RUNDC1: variants seen among roughly 807,000 people sequenced by gnomAD.
The protein encoded by RUNDC1 is RUN domain containing 1.
A neutral mutation model predicts 49.3 loss-of-function variants in RUNDC1; 31 were observed. The observed-to-expected ratio is 0.63, with a 90% CI of 0.47 to 0.85. The LOEUF is 0.85. Among genes scored for constraint, RUNDC1 ranks in the 40% least tolerant of loss-of-function variants. The probability of loss-of-function intolerance (pLI) is 0.00; values close to 1 mark genes in which losing one functional copy is unlikely to be tolerated. For missense variants in RUNDC1, 715 were observed against 806.7 expected (o/e 0.89, Z 1.38); for synonymous variants, 347 against 348.6 (o/e 1.00, Z 0.05).
At chr17:42,987,035 A>G (rs1009295727) in intron 1 of RUNDC1, among the ~76,000 whole-genome samples, 1 of 152,198 alleles carries the variant, frequency 6.6e-6, no homozygotes, top group Non-Finnish European at 1.5e-5. Context: ...CCTATTTCCA[A>G]TGAGGGACAG....
chr17:42,986,839 C>G (rs766568534), intron 1 of RUNDC1, among the ~76,000 whole-genome samples: 1 of 152,084 alleles, frequency 6.6e-6, no homozygotes, highest in Non-Finnish European at 1.5e-5. Flanking sequence ...ACACCCTTAC[C>G]CCAGATTCTT....
At chr17:42,988,666 G>A (rs1343305468) in intron 2 of RUNDC1, among the ~76,000 whole-genome samples, 1 of 152,112 alleles carries the variant, frequency 6.6e-6, no homozygotes, top group Non-Finnish European at 1.5e-5. Flanking sequence ...GGCAAGAAGG[G>A]ATAAGAAGGA....
chr17:42,989,178 A>G (rs764485974), intron 2 of RUNDC1, among the ~76,000 whole-genome samples, 163 bp from the exon 3 acceptor site: 52 of 152,324 alleles, frequency 3.4e-4, no homozygotes, highest in African/African-American at 1.1e-3. Context: ...TAGAGAGTCT[A>G]TGTCCTCACC....
At chr17:42,986,118 G>GC (rs1167811585) in intron 1 of RUNDC1, among the ~76,000 whole-genome samples, 1 of 151,868 alleles carries the variant, frequency 6.6e-6, no homozygotes, top group Non-Finnish European at 1.5e-5. Context: ...TCTTGTCCCA[G>GC]CCTCTTGTGT....
rs754286789 is a variant in RUNDC1, at chr17:42,981,025, A to C, written c.449A>C (p.Glu150Ala). The C allele has an allele frequency of 5.8e-6, 9 of 1,555,576 alleles. No homozygotes were observed. Among genetic ancestry groups the C allele is most frequent in the Non-Finnish European group, 7.8e-6 (9 of 1,157,752 alleles). The part of the protein sequence containing the change: ...YEGPGDPASD[E>A]GDGLPGDRPW... ...GGGCCCGGCGACCCCGCCAGCGATG[A>C]GGGCGATGGGCTGCCAGGGGACCGG... is the stretch of plus-strand genomic sequence containing the variant. The change falls in exon 1 of 5, where the codon GAG becomes GCG. Residue 150 changes from glutamate to alanine, a missense_variant. Physicochemically the swap from Glu to Ala is moderately radical, Grantham distance 107. Around this residue, in one of 5 missense-constraint regions of RUNDC1, gnomAD observed 113 missense variants for 93.4 expected, o/e 1.21. Coordinates refer to ENST00000361677, the MANE Select transcript of RUNDC1 (RefSeq NM_173079.5).
In RUNDC1 at chr17:42,991,311, C is replaced by T; in HGVS notation, c.1437C>T (p.Tyr479=). Residue 479 remains tyrosine (Y), a synonymous_variant, in exon 5 of 5, where the codon TAC becomes TAT. Coordinates refer to ENST00000361677, the MANE Select transcript of RUNDC1 (RefSeq NM_173079.5). ...AMHPWELFVK[Y]YHAKNGRAYV... ...ACCCGTGGGAGCTCTTTGTAAAGTA[C>T]TACCATGCTAAGAACGGCCGTGCTT... is the stretch of plus-strand genomic sequence containing the variant. 1 of 1,614,214 alleles carries T rather than the reference C, an allele frequency of 6.2e-7. No individual in the cohort carries two copies. The highest frequency in any genetic ancestry group is 1.1e-5 in the South Asian group (1 of 91,086).
At position 42,992,241 on chromosome 17, in the gene RUNDC1, A is replaced by G. The variant is rs1474276276; in HGVS notation, c.*525A>G. 6.3e-6 allele frequency: 1 copy of G among 157,768 alleles called. No individual in the cohort carries two copies. The highest frequency in any genetic ancestry group is 1.4e-5 in the Non-Finnish European group (1 of 72,066). 9.8% of individuals were successfully genotyped at this position (157,768 alleles called of 1,614,324 possible). A position where few individuals can be genotyped will look rare whatever the true frequency, so the allele number is the denominator to read the frequency against. ...AAAAAAAAAAGAAGGTTGTACCCAC[A>G]GTATACGTGTGGGCACTTGTGCTTG... On this transcript the variant is annotated 3_prime_UTR_variant, in exon 5 of 5. Coordinates refer to ENST00000361677, the MANE Select transcript of RUNDC1 (RefSeq NM_173079.5).
intron 1 of RUNDC1, among the ~76,000 whole-genome samples, chr17:42,985,217 C>A (rs752281176): frequency 1.3e-5 from 2 of 152,184 alleles, no homozygotes; most frequent in African/African-American, 4.8e-5. Flanking sequence ...CAGTAACATA[C>A]AACAAATGCA....
In RUNDC1 at chr17:42,980,946, C is replaced by A. The variant is rs1395954253; in HGVS notation, c.370C>A (p.Arg124=). The part of the protein sequence containing the change: ...GAPAEQQRLL[R]ELEDFAFRGC... ...GCCGGCGGAGCAGCAGCGCCTTCTG[C>A]GGGAGCTCGAAGACTTCGCCTTCCG... The change falls in exon 1 of 5, where the codon CGG becomes AGG. Residue 124 remains arginine (R), a synonymous_variant. Transcript: ENST00000361677. 6.5e-7 allele frequency: 1 copy of A among 1,540,350 alleles called. No individual in the cohort carries two copies. Among genetic ancestry groups the A allele is most frequent in the Non-Finnish European group, 8.7e-7 (1 of 1,149,680 alleles).
Position 42,981,181 on chromosome 17 carries a change from G to T in RUNDC1, c.498+107G>T. 2.2e-6 allele frequency: 3 copies of T among 1,357,552 alleles called. No homozygotes were observed. The South Asian group carries it at 4.3e-5, about 20-fold the overall frequency. 84.1% of individuals were successfully genotyped at this position (1,357,552 alleles called of 1,614,324 possible). ...ATGCGGGGAGAAGCCTCCCCGACTCGGTCGGTGAGTACGTGTGTCGGAGAC... is the reference window on the plus strand; with the variant it reads ...ATGCGGGGAGAAGCCTCCCCGACTCTGTCGGTGAGTACGTGTGTCGGAGAC... On this transcript the variant is annotated intron_variant, in intron 1 of 4. Transcript: ENST00000361677.
Position 42,980,994 on chromosome 17 carries a change from T to C in RUNDC1, c.418T>C (p.Tyr140His). 6.5e-7 allele frequency: 1 copy of C among 1,546,276 alleles called. No individual in the cohort carries two copies. The highest frequency in any genetic ancestry group is 8.7e-7 in the Non-Finnish European group (1 of 1,152,258). The change falls in exon 1 of 5, where the codon TAC (tyrosine) becomes CAC (histidine). Residue 140 changes from tyrosine to histidine, a missense_variant. Around this residue, in one of 5 missense-constraint regions of RUNDC1, gnomAD observed 113 missense variants for 93.4 expected, o/e 1.21. Coordinates refer to ENST00000361677, the MANE Select transcript of RUNDC1 (RefSeq NM_173079.5). ...AFRGCPHVLG[Y>H]EGPGDPASDE... ...CCGCGGCTGCCCTCACGTCCTAGGT[T>C]ACGAAGGGCCCGGCGACCCCGCCAG...
chr17:42,994,826 G>C lies in RUNDC1; in HGVS notation c.*3110G>C, dbSNP rs1244456480. Among the ~76,000 whole-genome samples the C allele has an allele frequency of 2.0e-5, 3 of 152,182 alleles. No homozygotes were observed. In the South Asian group the frequency reaches 6.2e-4, roughly 32 times the overall value. On this transcript the variant is annotated 3_prime_UTR_variant, in exon 5 of 5. Coordinates refer to ENST00000361677, the MANE Select transcript of RUNDC1 (RefSeq NM_173079.5). ...TTCACTTAGGGTGAGACAGGACAAG[G>C]GAGGAGAGGCAGGCCAGTCCACCCA...
In RUNDC1 at chr17:42,980,699, C is replaced by G. The variant is rs111480415; in HGVS notation, c.123C>G (p.Ala41=). The G allele has an allele frequency of 3.8e-6, 6 of 1,563,796 alleles. No individual in the cohort carries two copies. The highest frequency in any genetic ancestry group is 5.2e-6 in the Non-Finnish European group (6 of 1,158,210). Residue 41 remains alanine (A), a synonymous_variant, in exon 1 of 5, where the codon GCC becomes GCG. Transcript: ENST00000361677. ...PLPPCEAVRW[A]PVGAVAEARP... Reference sequence around the variant, plus strand: ...CACCGTGCGAGGCGGTGCGCTGGGCCCCAGTGGGGGCGGTGGCGGAGGCCC... The same window carrying G: ...CACCGTGCGAGGCGGTGCGCTGGGCGCCAGTGGGGGCGGTGGCGGAGGCCC...
At chr17:42,984,280 G>GTTT (rs1227344186) in intron 1 of RUNDC1, among the ~76,000 whole-genome samples, 12 of 134,604 alleles carry the variant, frequency 8.9e-5, no homozygotes, top group Admixed American at 2.2e-4. Flanking sequence ...CTGGCCCCCA[G>GTTT]TTTTTTTTTT....
At chr17:42,987,486 C>G in intron 2 of RUNDC1, 72 bp downstream of exon 2, 2 of 1,429,306 alleles carry the variant, frequency 1.4e-6, no homozygotes, top group Non-Finnish European at 2.0e-6. Context: ...CACAGGGCAT[C>G]CTCTCTCAGC....
rs1191198382 is a variant in RUNDC1 at position 42,994,093 on chromosome 17, G to A, written c.*2377G>A. ...GGCTAGTCTCGAACTCCTGACCTCAGGTGATCCACCCACTTCAGCCTCCCA... is the reference window on the plus strand; with the variant it reads ...GGCTAGTCTCGAACTCCTGACCTCAAGTGATCCACCCACTTCAGCCTCCCA... On this transcript the variant is annotated 3_prime_UTR_variant, in exon 5 of 5. Transcript: ENST00000361677. 6.6e-6 allele frequency among the ~76,000 whole-genome samples: 1 copy of A among 152,162 alleles called. No individual in the cohort carries two copies. Among genetic ancestry groups the A allele is most frequent in the African/African-American group, 2.4e-5 (1 of 41,440 alleles).
In RUNDC1 at chr17:42,991,458, C is replaced by A. The variant is rs764559984; in HGVS notation, c.1584C>A (p.Asp528Glu). 3.5e-5 allele frequency: 57 copies of A among 1,614,078 alleles called. No homozygotes were observed. Among genetic ancestry groups the A allele is most frequent in the Non-Finnish European group, 4.6e-5 (54 of 1,180,040 alleles). ...TCCACATGGTGCTGACAGAGCATGA[C>A]CCTTTTAAGCGCAGTGCAGACTCAG... ...TAIHMVLTEH[D>E]PFKRSADSEL... is the part of the protein sequence containing the mutation. Residue 528 changes from aspartate to glutamate, a missense_variant, in exon 5 of 5, where the codon GAC becomes GAA. By Grantham distance (45) the Asp-to-Glu change is conservative (BLOSUM62 2). Around this residue, in one of 5 missense-constraint regions of RUNDC1, gnomAD observed 425 missense variants for 499.7 expected, o/e 0.85. Coordinates refer to ENST00000361677, the MANE Select transcript of RUNDC1 (RefSeq NM_173079.5).
chr17:42,986,651 C>T (rs552091650), intron 1 of RUNDC1, among the ~76,000 whole-genome samples: 2 of 152,264 alleles, frequency 1.3e-5, no homozygotes, highest in South Asian at 4.1e-4. Flanking sequence ...GCGCCCGCCA[C>T]CACACCCGGC....
chr17:42,991,853 G>A lies in RUNDC1; in HGVS notation c.*137G>A, dbSNP rs2050248311. On this transcript the variant is annotated 3_prime_UTR_variant, in exon 5 of 5. Transcript: ENST00000361677. The stretch of plus-strand genomic sequence containing the variant: ...CCTGCTCAGGCAGTCGGCCAAATGA[G>A]TGCAAAGTCTGTTTTCCCCACCAAC... 1 of 878,166 alleles carries A rather than the reference G, an allele frequency of 1.1e-6. No homozygotes were observed. The highest frequency in any genetic ancestry group is 2.5e-5 in the East Asian group (1 of 40,162). 54.4% of individuals were successfully genotyped at this position (878,166 alleles called of 1,614,324 possible).
Sources: gnomAD v4.1 joint callset for allele counts (sites outside exome capture counted in the v4.1 genomes callset) on GRCh38, gnomAD v4.1.1 for gene constraint, gnomAD v4.1.1 regional missense constraint, MANE v1.5 for transcripts, NCBI Gene and HGNC (gene_info 2026-07-23, HGNC 2026-07-21) for gene names.